The following SLC45A4 variants were observed in gnomAD, a reference collection of about 807,000 sequenced individuals.
The protein encoded by SLC45A4 is solute carrier family 45 member 4.
In SLC45A4, 32 loss-of-function variants were observed where a neutral mutation model predicts 63.7. That is an observed-to-expected ratio of 0.50 (90% CI 0.38 to 0.67). The LOEUF (loss-of-function observed/expected upper bound fraction) is 0.67, where lower values mean the gene tolerates loss of function less well. Among genes scored for constraint, SLC45A4 ranks in the 30% least tolerant of loss-of-function variants. The pLI, the probability that SLC45A4 is intolerant of heterozygous loss-of-function variation, is 0.00. For missense variants in SLC45A4, 1,027 were observed against 1,157.7 expected (o/e 0.89, Z 1.64); for synonymous variants, 535 against 510.0 (o/e 1.05, Z -0.66).
In SLC45A4 at chr8:141,254,223, T is replaced by C; in HGVS notation, c.7A>G (p.Met3Val). The C allele has an allele frequency of 6.5e-7, 1 of 1,531,642 alleles. No homozygotes were observed. The highest frequency in any genetic ancestry group is 8.7e-7 in the Non-Finnish European group (1 of 1,143,768). The allele number at this position is 1,531,642 out of a possible 1,614,324, so 94.9% of individuals were successfully genotyped here. The change falls in exon 2 of 9, where the codon ATG (methionine) becomes GTG (valine). Residue 3 changes from methionine (M) to valine (V), a missense_variant. Physicochemically the swap from Met to Val is conservative, Grantham distance 21 (BLOSUM62 1). Transcript: ENST00000517878. The surrounding 1 kb of genome is among the most constrained non-coding windows in gnomAD (Gnocchi z 4.5). Reference protein sequence around the residue: MKMAPQNADPESM... With the variant: MKVAPQNADPESM... ...TCCGGGTCGGCATTCTGCGGAGCCATTTTCATTACCACCAAAAATATATGT... is the reference window on the plus strand; with the variant it reads ...TCCGGGTCGGCATTCTGCGGAGCCACTTTCATTACCACCAAAAATATATGT...
intron 1 of SLC45A4, among the ~76,000 whole-genome samples, chr8:141,295,312 C>T (rs997586799): frequency 6.6e-6 from 1 of 152,190 alleles, no homozygotes; most frequent in African/African-American, 2.4e-5. Context: ...GCACCAGGAT[C>T]CAATCTCTGC....
chr8:141,305,219 T>G (rs1386233418), intron 1 of SLC45A4, among the ~76,000 whole-genome samples: 1 of 152,216 alleles, frequency 6.6e-6, no homozygotes, highest in Admixed American at 6.5e-5. Context: ...TAAGCTAATC[T>G]AAACAAGGGG....
At chr8:141,266,088 G>T (rs1040446991) in intron 1 of SLC45A4, among the ~76,000 whole-genome samples, 1 of 152,188 alleles carries the variant, frequency 6.6e-6, no homozygotes, top group African/African-American at 2.4e-5. Context: ...AAGCTTGGGT[G>T]AAACTTTCAG....
Position 141,229,040 on chromosome 8 carries a change from C to T in SLC45A4, c.242-7275G>A, listed in dbSNP as rs569259055. Among the ~76,000 whole-genome samples the T allele has an allele frequency of 6.6e-6, 1 of 152,282 alleles. No homozygotes were observed. The highest frequency in any genetic ancestry group is 1.9e-4 in the East Asian group (1 of 5,182). ...TACACTTGTCTCCCCATCGGCTCCT[C>T]CCGCCCATGGGACCTTCGAAGACAC... On this transcript the variant is annotated intron_variant, in intron 2 of 8. Coordinates refer to ENST00000517878, the MANE Select transcript of SLC45A4 (RefSeq NM_001286646.2). The surrounding 1 kb of genome is among the most constrained non-coding windows in gnomAD (Gnocchi z 5.0).
intron 1 of SLC45A4, among the ~76,000 whole-genome samples, chr8:141,275,987 A>G (rs1041872724): frequency 1.3e-5 from 2 of 150,730 alleles, no homozygotes; most frequent in African/African-American, 4.9e-5. Context: ...GTCACGGCTC[A>G]CTGCAACCTC....
At chr8:141,217,338 C>T (rs1826220242) in intron 5 of SLC45A4, 149 bp from the exon 6 acceptor site, 8 of 751,252 alleles carry the variant, frequency 1.1e-5, no homozygotes, top group South Asian at 9.1e-5. Flanking sequence ...CAGCCCAAGT[C>T]GGTTGCTATC....
At chr8:141,294,543 T>G (rs1025337491) in intron 1 of SLC45A4, among the ~76,000 whole-genome samples, 13 of 152,204 alleles carry the variant, frequency 8.5e-5, no homozygotes, top group Admixed American at 2.6e-4. Context: ...TGGAGCCCCA[T>G]GAGGCCTCCC....
chr8:141,285,177 A>G (rs1031807522), intron 1 of SLC45A4, among the ~76,000 whole-genome samples: 4 of 152,190 alleles, frequency 2.6e-5, no homozygotes, highest in Non-Finnish European at 5.9e-5. Flanking sequence ...TCCTGCCTTC[A>G]GCACGTGGTC....
At chr8:141,217,934 C>G (rs1317159702) in intron 5 of SLC45A4, 77 bp downstream of exon 5, 3 of 1,475,058 alleles carry the variant, frequency 2.0e-6, no homozygotes, top group African/African-American at 2.8e-5. Context: ...AGAGGCCCCC[C>G]GGCCCAGCCC....
At position 141,219,014 on chromosome 8, in the gene SLC45A4, A is replaced by T. The variant is rs777084245; in HGVS notation, c.626T>A (p.Ile209Asn). The stretch of plus-strand genomic sequence containing the variant: ...GTCCAGCCCACCCAGCACGTAGCCG[A>T]TGGCTCCGCCGAGGCCTGCGTGGGA... ...HAFSAGLGGA[I>N]GYVLGGLDWT... Residue 209 changes from isoleucine (I) to asparagine (N), a missense_variant, in exon 5 of 9, where the codon ATC (isoleucine) becomes AAC (asparagine). By Grantham distance (149) the Ile-to-Asn change is moderately radical (BLOSUM62 -3). Coordinates refer to ENST00000517878, the MANE Select transcript of SLC45A4 (RefSeq NM_001286646.2). 6.2e-7 allele frequency: 1 copy of T among 1,611,336 alleles called. No individual in the cohort carries two copies. The highest frequency in any genetic ancestry group is 2.2e-5 in the East Asian group (1 of 44,804).
intron 1 of SLC45A4, among the ~76,000 whole-genome samples, chr8:141,282,522 T>G (rs1361330684): frequency 6.6e-6 from 1 of 152,140 alleles, no homozygotes. Context: ...ATCGCTGCCC[T>G]CTCTCCAGGC....
rs142456846 is a variant in SLC45A4, at chr8:141,211,581, C to A, written c.2418G>T (p.Trp806Cys). 2 of 1,613,066 alleles carry A rather than the reference C, an allele frequency of 1.2e-6. No homozygotes were observed. The highest frequency in any genetic ancestry group is 1.1e-5 in the South Asian group (1 of 90,938). The change falls in exon 9 of 9, where the codon TGG becomes TGT. Residue 806 changes from tryptophan to cysteine, a missense_variant. By Grantham distance (215) the Trp-to-Cys change is radical (BLOSUM62 -2). Coordinates refer to ENST00000517878, the MANE Select transcript of SLC45A4 (RefSeq NM_001286646.2). ...AAGATACGTCATTCTTCTAAGAGAA[C>A]CACATTGTGGAAAAGAAAATTTTTT... The part of the protein sequence containing the change: ...FRKKIFFSTM[W>C]FS
intron 2 of SLC45A4, among the ~76,000 whole-genome samples, chr8:141,223,337 C>T (rs888185141): frequency 1.8e-4 from 28 of 152,204 alleles, no homozygotes; most frequent in African/African-American, 6.3e-4. Flanking sequence ...ACGGCAGACC[C>T]GGGTTCCTCA....
Position 141,241,171 on chromosome 8 carries a change from T to C in SLC45A4, c.241+12818A>G, listed in dbSNP as rs183708435. On this transcript the variant is annotated intron_variant, in intron 2 of 8. Transcript: ENST00000517878. Reference sequence around the variant, plus strand: ...ATAAATGGTGTGGAAATGTAGTGCATAACACACACAGCGTCACAAACGGCC... The same window carrying C: ...ATAAATGGTGTGGAAATGTAGTGCACAACACACACAGCGTCACAAACGGCC... Among the ~76,000 whole-genome samples the C allele has an allele frequency of 1.8e-3, 271 of 152,358 alleles. 5 individuals carry two copies. In the East Asian group the frequency reaches 0.034, roughly 19 times the overall value.
chr8:141,276,345 C>T (rs1381424936), intron 1 of SLC45A4, among the ~76,000 whole-genome samples: 1 of 152,200 alleles, frequency 6.6e-6, no homozygotes. Flanking sequence ...TCTCAGATGG[C>T]CTAGACCTTC....
Position 141,249,144 on chromosome 8 carries a change from G to A in SLC45A4, c.241+4845C>T, listed in dbSNP as rs542066371. On this transcript the variant is annotated intron_variant, in intron 2 of 8. Coordinates refer to ENST00000517878, the MANE Select transcript of SLC45A4 (RefSeq NM_001286646.2). The stretch of plus-strand genomic sequence containing the variant: ...CATTGACGACGATGTGGAGAAATGG[G>A]AACTGTCCTACGCTGCAGTGGGAAT... 1.2e-3 allele frequency among the ~76,000 whole-genome samples: 187 copies of A among 152,254 alleles called. 2 individuals carry two copies. Among genetic ancestry groups the A allele is most frequent in the Non-Finnish European group, 1.6e-4 (11 of 68,020 alleles).
chr8:141,247,000 AAGC>A (rs1344806809), intron 2 of SLC45A4, among the ~76,000 whole-genome samples: 1 of 152,172 alleles, frequency 6.6e-6, no homozygotes, highest in Non-Finnish European at 1.5e-5. Flanking sequence ...AAAACCAAGT[AAGC>A]AGAAGAAAAC....
At chr8:141,261,531 G>C (rs1422296878) in intron 1 of SLC45A4, among the ~76,000 whole-genome samples, 1 of 152,066 alleles carries the variant, frequency 6.6e-6, no homozygotes, top group Non-Finnish European at 1.5e-5. Context: ...AAAGTCTCAG[G>C]ATACAAAATC....
At chr8:141,274,106 A>T (rs1428356433) in intron 1 of SLC45A4, among the ~76,000 whole-genome samples, 3 of 151,860 alleles carry the variant, frequency 2.0e-5, no homozygotes, top group Non-Finnish European at 4.4e-5. Context: ...GCAGGCGCCG[A>T]TAGTCCCAGC....
Sources: allele counts gnomAD v4.1 joint callset (sites outside exome capture counted in the v4.1 genomes callset), GRCh38; gene constraint gnomAD v4.1.1; non-coding constraint Gnocchi (gnomAD v3.1); transcripts MANE v1.5; gene names NCBI Gene and HGNC (gene_info 2026-07-23, HGNC 2026-07-21).